The following NYAP2 variants were observed in gnomAD, a reference collection of about 807,000 sequenced individuals.
NYAP2 encodes the protein neuronal tyrosine-phosphorylated phosphoinositide-3-kinase adapter 2.
Under a neutral mutation model 50.4 loss-of-function variants are expected in NYAP2, and 23 were observed. The observed-to-expected ratio is 0.46, with a 90% CI of 0.33 to 0.65. The LOEUF (loss-of-function observed/expected upper bound fraction) is 0.65, where lower values mean the gene tolerates loss of function less well. NYAP2 is among the 30% of genes least tolerant of loss of function. The pLI is 0.02. For synonymous variants in NYAP2, 394 were observed against 365.2 expected (o/e 1.08, Z -0.90); for missense variants, 885 against 861.0 (o/e 1.03, Z -0.35).
intron 3 of NYAP2, among the ~76,000 whole-genome samples, chr2:225,490,214 T>A (rs554800130): frequency 2.0e-5 from 3 of 152,226 alleles, no homozygotes; most frequent in East Asian, 1.9e-4. Flanking sequence ...TCTAGGGAAT[T>A]TGGGCAGTTT....
chr2:225,648,228 T>C (rs1024654256), intron 6 of NYAP2, among the ~76,000 whole-genome samples: 2 of 152,132 alleles, frequency 1.3e-5, no homozygotes, highest in Admixed American at 6.6e-5. Flanking sequence ...CTCGAACTCC[T>C]GACCTCAGGT....
chr2:225,595,469 A>T (rs1692579946), intron 5 of NYAP2, among the ~76,000 whole-genome samples: 1 of 152,222 alleles, frequency 6.6e-6, no homozygotes, highest in South Asian at 2.1e-4. Flanking sequence ...AATTGTGTCT[A>T]TATCTACAAA....
chr2:225,530,328 T>C (rs1039193381), intron 4 of NYAP2, among the ~76,000 whole-genome samples: 5 of 152,146 alleles, frequency 3.3e-5, no homozygotes, highest in Non-Finnish European at 5.9e-5. Flanking sequence ...AAAGGCCTCC[T>C]GCACATGTTT....
chr2:225,456,599 G>A (rs573574454), intron 3 of NYAP2, among the ~76,000 whole-genome samples: 2 of 152,248 alleles, frequency 1.3e-5, no homozygotes, highest in Admixed American at 6.5e-5. Flanking sequence ...GTGAGGAGGG[G>A]ATGCCTTATC....
rs550349721 is a variant in NYAP2 at position 225,556,503 on chromosome 2, A to C, written c.524-25438A>C. On this transcript the variant is annotated intron_variant, in intron 4 of 6. Transcript: ENST00000636099. Reference sequence around the variant, plus strand: ...TAATTTAGGCATCTAGACTTCTTCAATGTTATGGCTCTGCTGTTCCTTGAG... The same window carrying C: ...TAATTTAGGCATCTAGACTTCTTCACTGTTATGGCTCTGCTGTTCCTTGAG... Among the ~76,000 whole-genome samples the C allele has an allele frequency of 6.8e-4, 103 of 152,274 alleles. 1 individual carries two copies. The highest frequency in any genetic ancestry group is 2.4e-3 in the African/African-American group (99 of 41,564).
At chr2:225,526,538 C>A (rs1214291295) in intron 4 of NYAP2, among the ~76,000 whole-genome samples, 2 of 152,178 alleles carry the variant, frequency 1.3e-5, no homozygotes, top group East Asian at 3.9e-4. Context: ...ATTTATTTGG[C>A]TCTTCTGAAA....
At chr2:225,583,483 CT>C (rs1692337155) in intron 5 of NYAP2, among the ~76,000 whole-genome samples, 1 of 151,782 alleles carries the variant, frequency 6.6e-6, no homozygotes, top group Non-Finnish European at 1.5e-5. Context: ...TGAATGTAAG[CT>C]GAAAGAATTA....
chr2:225,559,983 T>A (rs1691844725), intron 4 of NYAP2, among the ~76,000 whole-genome samples: 1 of 152,008 alleles, frequency 6.6e-6, no homozygotes, highest in Non-Finnish European at 1.5e-5. Context: ...TTACTTTATC[T>A]CCTCCTCAAT....
At chr2:225,629,284 T>C (rs1161786861) in intron 6 of NYAP2, among the ~76,000 whole-genome samples, 1 of 152,194 alleles carries the variant, frequency 6.6e-6, no homozygotes, top group South Asian at 2.1e-4. Context: ...TCTGTTCCAT[T>C]CTATTCAAAT....
intron 3 of NYAP2, among the ~76,000 whole-genome samples, chr2:225,454,093 G>A (rs1354013525): frequency 6.6e-6 from 1 of 152,098 alleles, no homozygotes; most frequent in African/African-American, 2.4e-5. Context: ...GGAGGTCAAG[G>A]TGGGAGAATC....
At position 225,582,819 on chromosome 2, in the gene NYAP2, A is replaced by G. The variant is rs1401729552; in HGVS notation, c.1402A>G (p.Ser468Gly). 2 of 1,613,680 alleles carry G rather than the reference A, an allele frequency of 1.2e-6. No homozygotes were observed. Among genetic ancestry groups the G allele is most frequent in the African/African-American group, 2.7e-5 (2 of 74,884 alleles). The change falls in exon 5 of 7, where the codon AGC becomes GGC. Residue 468 changes from serine to glycine, a missense_variant. Physicochemically the swap from Ser to Gly is moderately conservative, Grantham distance 56. Coordinates refer to ENST00000636099, the Ensembl canonical transcript of NYAP2. This position sits in a 1 kb window ranked among gnomAD's most constrained non-coding sequence, Gnocchi z 7.0. ...TGTGCATTCGGGCAGCCTCTCAAGG[A>G]GCTCTCCTTCAGTGCCTCACTCGAC...
chr2:225,625,989 C>T (rs1693204252), intron 5 of NYAP2, among the ~76,000 whole-genome samples: 1 of 152,140 alleles, frequency 6.6e-6, no homozygotes, highest in African/African-American at 2.4e-5. Context: ...AAGAGCAAGA[C>T]ATCCAGAAAT....
chr2:225,553,930 G>A (rs1559212903), intron 4 of NYAP2, among the ~76,000 whole-genome samples: 2 of 152,146 alleles, frequency 1.3e-5, no homozygotes, highest in Admixed American at 6.5e-5. Flanking sequence ...TGAGGCAGGA[G>A]AATCGCTTGA....
upstream of NYAP2, among the ~76,000 whole-genome samples, chr2:225,399,234 T>C (rs952558135): frequency 6.6e-6 from 1 of 152,060 alleles, no homozygotes; most frequent in Non-Finnish European, 1.5e-5. Flanking sequence ...ACATATTATA[T>C]ATTATTCCTT....
At chr2:225,575,232 A>G (rs1692151064) in intron 4 of NYAP2, among the ~76,000 whole-genome samples, 1 of 152,036 alleles carries the variant, frequency 6.6e-6, no homozygotes, top group Non-Finnish European at 1.5e-5. Flanking sequence ...AATTTCCTTA[A>G]CAGCTTTAGA....
intron 5 of NYAP2, among the ~76,000 whole-genome samples, chr2:225,587,464 A>G (rs918655777): frequency 1.3e-5 from 2 of 152,126 alleles, no homozygotes; most frequent in Admixed American, 1.3e-4. Flanking sequence ...GCATGTGAAC[A>G]GATTTGGGCA....
intron 4 of NYAP2, among the ~76,000 whole-genome samples, chr2:225,535,192 A>G (rs1434962045): frequency 6.6e-6 from 1 of 152,220 alleles, no homozygotes; most frequent in Non-Finnish European, 1.5e-5. Context: ...AGTGAGATAC[A>G]GGAACCAGGA....
intron 5 of NYAP2, among the ~76,000 whole-genome samples, chr2:225,583,472 T>C (rs973107118): frequency 3.3e-5 from 5 of 152,120 alleles, no homozygotes; most frequent in Admixed American, 2.6e-4. Flanking sequence ...ATAGTGTATC[T>C]TGAATGTAAG....
chr2:225,420,671 C>T (rs112650343), intron 3 of NYAP2, among the ~76,000 whole-genome samples: 21 of 151,072 alleles, frequency 1.4e-4, no homozygotes, highest in East Asian at 3.9e-4. Context: ...AGTGCAGTGA[C>T]GTGATCTCAT....
Sources: gnomAD v4.1 joint callset for allele counts (sites outside exome capture counted in the v4.1 genomes callset) on GRCh38, gnomAD v4.1.1 for gene constraint, Gnocchi (gnomAD v3.1) non-coding constraint, MANE v1.5 for transcripts, NCBI Gene and HGNC (gene_info 2026-07-23, HGNC 2026-07-21) for gene names.